The following PRKAG2 variants were observed in gnomAD, a reference collection of about 807,000 sequenced individuals.
PRKAG2 encodes 5'-AMP-activated protein kinase subunit gamma-2.
PRKAG2 carries 26 observed loss-of-function variants against 69.6 expected under a neutral mutation model. The ratio of observed to expected loss-of-function variants is 0.37; its 90% CI spans 0.27 to 0.52. PRKAG2 has a LOEUF of 0.52. PRKAG2 is among the 20% of genes least tolerant of loss of function. The pLI is 0.90. For missense variants in PRKAG2, 557 were observed against 740.0 expected (o/e 0.75, Z 2.87); for synonymous variants, 293 against 285.0 (o/e 1.03, Z -0.28).
At chr7:151,768,258 T>G (rs1446175217) in intron 3 of PRKAG2, among the ~76,000 whole-genome samples, 1 of 152,160 alleles carries the variant, frequency 6.6e-6, no homozygotes, top group African/African-American at 2.4e-5. Flanking sequence ...TCCCCCAAAC[T>G]TCTAGGCTGT....
At chr7:151,759,033 G>T (rs974532721) in intron 3 of PRKAG2, among the ~76,000 whole-genome samples, 2 of 152,034 alleles carry the variant, frequency 1.3e-5, no homozygotes, top group Non-Finnish European at 2.9e-5. Flanking sequence ...GCATCCGATC[G>T]ACATCCGATG....
At chr7:151,628,061 ACAGT>A (rs1173834454) in intron 5 of PRKAG2, among the ~76,000 whole-genome samples, 5 of 152,184 alleles carry the variant, frequency 3.3e-5, no homozygotes, top group African/African-American at 9.7e-5. Context: ...AAGAGGAGAG[ACAGT>A]CAGTCTGGCA....
chr7:151,709,404 A>G (rs1326068172), intron 3 of PRKAG2, among the ~76,000 whole-genome samples: 1 of 152,078 alleles, frequency 6.6e-6, no homozygotes, highest in East Asian at 1.9e-4. Context: ...GTGATGTGAT[A>G]TTGAGTGCTG....
intron 6 of PRKAG2, among the ~76,000 whole-genome samples, chr7:151,590,508 T>A (rs11983751): frequency 6.6e-6 from 1 of 152,088 alleles, no homozygotes; most frequent in African/African-American, 2.4e-5. Context: ...GATTCCAGAT[T>A]CGGGAGTTCC....
In PRKAG2 at chr7:151,781,207, G is replaced by C; in HGVS notation, c.411C>G (p.Asn137Lys). Residue 137 changes from asparagine (N) to lysine (K), a missense_variant, in exon 3 of 16, where the codon AAC becomes AAG. Asn to Lys is a moderately conservative substitution (Grantham distance 94). Around this residue, in one of 2 missense-constraint regions of PRKAG2, gnomAD observed 352 missense variants for 356.7 expected, o/e 0.99. Transcript: ENST00000287878. This position sits in a 1 kb window ranked among gnomAD's most constrained non-coding sequence, Gnocchi z 6.1. ...FRSSSKESSP[N>K]SNPATSPGGI... ...CCCCGGGCGAGGTAGCAGGGTTGGA[G>C]TTGGGGGAAGACTCTTTGGAGGAGG... 6.2e-7 allele frequency: 1 copy of C among 1,614,138 alleles called. No homozygotes were observed. Among genetic ancestry groups the C allele is most frequent in the Non-Finnish European group, 8.5e-7 (1 of 1,180,052 alleles).
intron 1 of PRKAG2, among the ~76,000 whole-genome samples, chr7:151,794,827 C>T (rs900209701): frequency 1.6e-4 from 24 of 152,246 alleles, no homozygotes; most frequent in Non-Finnish European, 2.4e-4. Context: ...GCTCTGTCCT[C>T]GTGCAAAGGG....
intron 4 of PRKAG2, among the ~76,000 whole-genome samples, chr7:151,673,393 G>C (rs1383591442): frequency 2.0e-5 from 3 of 152,144 alleles, no homozygotes; most frequent in Non-Finnish European, 4.4e-5. Context: ...CCTTGAAGCT[G>C]TCATTGCCCT....
intron 1 of PRKAG2, among the ~76,000 whole-genome samples, chr7:151,833,170 A>T (rs1221634460): frequency 6.6e-6 from 1 of 152,218 alleles, no homozygotes; most frequent in East Asian, 1.9e-4. Flanking sequence ...AGTGCAACAG[A>T]GAGCGCGTGA....
intron 4 of PRKAG2, among the ~76,000 whole-genome samples, chr7:151,670,426 T>C (rs1275717955): frequency 1.3e-5 from 2 of 152,210 alleles, no homozygotes; most frequent in Non-Finnish European, 2.9e-5. Context: ...CTAGATTACT[T>C]CACACTGCAT....
At chr7:151,849,195 G>A (rs1426538888) in intron 1 of PRKAG2, among the ~76,000 whole-genome samples, 1 of 152,254 alleles carries the variant, frequency 6.6e-6, no homozygotes, top group Non-Finnish European at 1.5e-5. Flanking sequence ...CAGGCCGCAG[G>A]CCCTGAGACA....
chr7:151,820,895 A>C (rs1586666433), intron 1 of PRKAG2, among the ~76,000 whole-genome samples: 2 of 115,406 alleles, frequency 1.7e-5, no homozygotes, highest in African/African-American at 3.3e-5. Flanking sequence ...GCCCATCACC[A>C]CTCCCGCTCT....
rs575283818 is a variant in PRKAG2, at chr7:151,641,985, G to C, written c.685-9847C>G. On this transcript the variant is annotated intron_variant, in intron 4 of 15. Transcript: ENST00000287878. Reference sequence around the variant, plus strand: ...GAGGTGGGAGGATCACTTGAGCCCAGGAGTTTGAGACCAGCCTGGGCAACA... The same window carrying C: ...GAGGTGGGAGGATCACTTGAGCCCACGAGTTTGAGACCAGCCTGGGCAACA... Among the ~76,000 whole-genome samples, 86 of 145,174 alleles carry C rather than the reference G, an allele frequency of 5.9e-4. No individual in the cohort carries two copies. The Middle Eastern group carries it at 0.014, about 24-fold the overall frequency.
At chr7:151,813,711 G>A (rs1166441639) in intron 1 of PRKAG2, among the ~76,000 whole-genome samples, 9 of 152,126 alleles carry the variant, frequency 5.9e-5, no homozygotes, top group Admixed American at 5.2e-4. Context: ...CAGCCACTGA[G>A]GAGGCCATCT....
At chr7:151,785,273 G>A (rs901897280) in intron 2 of PRKAG2, among the ~76,000 whole-genome samples, 1 of 152,246 alleles carries the variant, frequency 6.6e-6, no homozygotes, top group African/African-American at 2.4e-5. Flanking sequence ...GATCTTCCGT[G>A]CAAGGTTTTC....
chr7:151,763,152 TCG>T (rs1215872433), intron 3 of PRKAG2, among the ~76,000 whole-genome samples: 1 of 152,212 alleles, frequency 6.6e-6, no homozygotes, highest in Non-Finnish European at 1.5e-5. Context: ...GCCTTAATTG[TCG>T]GGTGGGCTCG....
intron 13 of PRKAG2, 55 bp downstream of exon 13, chr7:151,565,291 A>T: frequency 7.8e-7 from 1 of 1,274,270 alleles, no homozygotes; most frequent in Non-Finnish European, 1.1e-6. Context: ...AACACATTAC[A>T]TGAATGTTTA....
intron 3 of PRKAG2, among the ~76,000 whole-genome samples, chr7:151,716,549 G>A (rs1231237330): frequency 2.6e-5 from 4 of 152,108 alleles, no homozygotes; most frequent in South Asian, 2.1e-4. Flanking sequence ...TGCTTGACAC[G>A]CACAGAACCC....
At position 151,567,327 on chromosome 7, in the gene PRKAG2, T is replaced by C. The variant is rs972534229; in HGVS notation, c.1233+1389A>G. ...GCAAAGCTACTTAACCTTTCTTAGC[T>C]GCATCCCTATAAAATAGGATTAATA... On this transcript the variant is annotated intron_variant, in intron 11 of 15. Transcript: ENST00000287878. This position sits in a 1 kb window ranked among gnomAD's most constrained non-coding sequence, Gnocchi z 4.2. Among the ~76,000 whole-genome samples, 1 of 152,200 alleles carries C rather than the reference T, an allele frequency of 6.6e-6. No individual in the cohort carries two copies. The highest frequency in any genetic ancestry group is 1.5e-5 in the Non-Finnish European group (1 of 68,040).
chr7:151,735,426 C>T (rs1368420426), intron 3 of PRKAG2, among the ~76,000 whole-genome samples: 1 of 152,156 alleles, frequency 6.6e-6, no homozygotes, highest in Non-Finnish European at 1.5e-5. Flanking sequence ...CCTCATGGGG[C>T]ACAAATTAGG....
Sources: gnomAD v4.1 joint callset for allele counts (sites outside exome capture counted in the v4.1 genomes callset) on GRCh38, gnomAD v4.1.1 for gene constraint, gnomAD v4.1.1 regional missense constraint, Gnocchi (gnomAD v3.1) non-coding constraint, MANE v1.5 for transcripts, NCBI Gene and HGNC (gene_info 2026-07-23, HGNC 2026-07-21) for gene names.